Variants in INO80 observed in about 807,000 individuals in gnomAD.
The protein encoded by INO80 is INO80 complex ATPase subunit, also known as chromatin-remodeling ATPase INO80.
INO80 carries 20 observed loss-of-function variants against 203.4 expected under a neutral mutation model. The ratio of observed to expected loss-of-function variants is 0.10; its 90% confidence interval spans 0.07 to 0.14. INO80 has a LOEUF of 0.14. Ranked by LOEUF, INO80 falls within the 10% of genes least tolerant of loss-of-function variation. INO80 has a pLI of 1.00. For synonymous variants in INO80, 726 were observed against 685.2 expected, an observed-to-expected ratio of 1.06 and a Z score of -0.93; for missense variants, 1,419 against 1,914.4, an observed-to-expected ratio of 0.74 and a Z score of 4.83.
At chr15:41,077,572 T>C (rs2045424986) in intron 9 of INO80, among the ~76,000 whole-genome samples, 1 of 152,136 alleles carries the variant, frequency 6.6e-6, no homozygotes, top group Non-Finnish European at 1.5e-5. Context: ...TCTTTGTTTT[T>C]TTCTGAAGAG....
Position 41,049,403 on chromosome 15 carries a change from C to G in INO80, c.2460G>C (p.Glu820Asp). Reference sequence around the variant, plus strand: ...ACCAAGTTTCTTGCCGTTCAAATAACTCCGGGTGATTACACACCTAAAAGG... The same window carrying G: ...ACCAAGTTTCTTGCCGTTCAAATAAGTCCGGGTGATTACACACCTAAAAGG... Reference protein sequence around the residue: ...MQFRKVCNHPELFERQETWSP... With the variant: ...MQFRKVCNHPDLFERQETWSP... Residue 820 changes from glutamate (E) to aspartate (D), a missense_variant, in exon 21 of 36, where the codon GAG becomes GAC. Physicochemically the swap from Glu to Asp is conservative, Grantham distance 45. Transcript: ENST00000648947. 1 of 1,613,996 alleles carries G rather than the reference C, an allele frequency of 6.2e-7. No homozygotes were observed. The highest frequency in any genetic ancestry group is 8.5e-7 in the Non-Finnish European group (1 of 1,179,924).
intron 20 of INO80, 93 bp from the exon 21 acceptor site, chr15:41,049,513 G>T: frequency 8.5e-7 from 1 of 1,170,224 alleles, no homozygotes; most frequent in Non-Finnish European, 1.2e-6. Flanking sequence ...TTACCTTTGG[G>T]AATGGATACT....
chr15:41,057,817 A>AAAAAGAAAG (rs1555403662), intron 16 of INO80, among the ~76,000 whole-genome samples: 1 of 138,624 alleles, frequency 7.2e-6, no homozygotes, highest in African/African-American at 3.2e-5. Flanking sequence ...AAAAAAAAAA[A>AAAAAGAAAG]AAAGAAAGAA....
Position 41,065,548 on chromosome 15 carries a change from A to G in INO80, c.1782+4022T>C, listed in dbSNP as rs982397292. Among the ~76,000 whole-genome samples the G allele has an allele frequency of 2.0e-5, 3 of 152,220 alleles. No individual in the cohort carries two copies. The East Asian group carries it at 5.8e-4, about 29-fold the overall frequency. On this transcript the variant is annotated intron_variant, in intron 14 of 35. Transcript: ENST00000648947. ...GTACATACCCAAAAGAAGTGAAAACAGTAAAAGTGTTCAAACAAAAACTTG... is the reference window on the plus strand; with the variant it reads ...GTACATACCCAAAAGAAGTGAAAACGGTAAAAGTGTTCAAACAAAAACTTG...
chr15:40,986,754 G>C (rs897319020), intron 31 of INO80, among the ~76,000 whole-genome samples: 1 of 152,082 alleles, frequency 6.6e-6, no homozygotes, highest in Non-Finnish European at 1.5e-5. Context: ...GCTTCCCAAA[G>C]TGCTGGAATT....
At chr15:41,069,529 T>G (rs1408526332) in intron 14 of INO80, 41 bp downstream of exon 14, 1 of 1,224,110 alleles carries the variant, frequency 8.2e-7, no homozygotes, top group South Asian at 1.3e-5. Context: ...AAAAAGTTTA[T>G]TTTAAAGAGC....
chr15:41,041,535 G>C (rs1216961061), intron 24 of INO80, among the ~76,000 whole-genome samples: 4 of 151,800 alleles, frequency 2.6e-5, no homozygotes, highest in Non-Finnish European at 5.9e-5. Context: ...CCACCTCCTG[G>C]GTTCAAGCAA....
At chr15:41,014,217 C>G (rs1292229681) in intron 27 of INO80, among the ~76,000 whole-genome samples, 1 of 152,166 alleles carries the variant, frequency 6.6e-6, no homozygotes, top group Admixed American at 6.5e-5. Flanking sequence ...TTGGAACTTT[C>G]CTTTCATATG....
At chr15:41,098,517 A>C (rs1426137768) in intron 1 of INO80, among the ~76,000 whole-genome samples, 6 of 152,090 alleles carry the variant, frequency 3.9e-5, no homozygotes, top group African/African-American at 1.4e-4. Context: ...TCTTCAAAAG[A>C]ATTTAAAATT....
intron 24 of INO80, among the ~76,000 whole-genome samples, chr15:41,043,342 A>C (rs1009713519): frequency 1.3e-5 from 2 of 152,236 alleles, no homozygotes; most frequent in Non-Finnish European, 2.9e-5. Context: ...CAGAAGATTA[A>C]GCAACTCTTC....
At chr15:41,014,555 C>G (rs766755367) in intron 27 of INO80, among the ~76,000 whole-genome samples, 3 of 152,176 alleles carry the variant, frequency 2.0e-5, no homozygotes, top group Non-Finnish European at 4.4e-5. Flanking sequence ...AATCACCTCT[C>G]TTATGGTGAC....
intron 1 of INO80, among the ~76,000 whole-genome samples, chr15:41,112,138 G>A (rs561139226): frequency 1.7e-4 from 26 of 152,226 alleles, no homozygotes; most frequent in African/African-American, 2.4e-4. Context: ...TCAAGCTCAC[G>A]TGATCCTCCC....
chr15:41,073,369 A>C, intron 11 of INO80, 59 bp downstream of exon 11: 2 of 1,379,684 alleles, frequency 1.4e-6, no homozygotes, highest in East Asian at 2.3e-5. Context: ...CACCTAAGTA[A>C]AGGCTTGTGG....
chr15:40,981,278 TATCTCCCTCACCCTTTCTGCC>T (rs1023331024), intron 35 of INO80, among the ~76,000 whole-genome samples: 2 of 152,158 alleles, frequency 1.3e-5, no homozygotes, highest in African/African-American at 4.8e-5. Context: ...CTACCCCCTC[TATCTCCCTCACCCTTTCTGCC>T]CTCTACACAG....
At chr15:41,112,053 G>A (rs947898717) in intron 1 of INO80, among the ~76,000 whole-genome samples, 6 of 151,868 alleles carry the variant, frequency 4.0e-5, no homozygotes, top group Non-Finnish European at 7.4e-5. Context: ...ATAGGCACAC[G>A]CCACCCTAGT....
At chr15:41,096,003 T>C (rs751377940) in intron 2 of INO80, 75 bp from the exon 3 acceptor site, 2 of 1,462,828 alleles carry the variant, frequency 1.4e-6, no homozygotes, top group African/African-American at 1.4e-5. Context: ...CTGGACACTT[T>C]ACAGAAGAAA....
intron 16 of INO80, 49 bp from the exon 17 acceptor site, chr15:41,056,755 T>A: frequency 6.6e-7 from 1 of 1,515,728 alleles, no homozygotes; most frequent in Non-Finnish European, 9.2e-7. Flanking sequence ...AAATTGTTCT[T>A]TAATTATCCT....
chr15:41,052,223 A>C (rs1051377013), intron 19 of INO80, among the ~76,000 whole-genome samples: 1 of 152,214 alleles, frequency 6.6e-6, no homozygotes, highest in African/African-American at 2.4e-5. Context: ...TTTTTAAATA[A>C]AATGTTTTCC....
At chr15:41,093,134 G>C (rs548682642) in intron 4 of INO80, among the ~76,000 whole-genome samples, 287 of 152,126 alleles carry the variant, frequency 1.9e-3, no homozygotes, top group Non-Finnish European at 3.1e-3. Flanking sequence ...AGAAAATGGA[G>C]AGTGACTACC....
Sources: allele counts gnomAD v4.1 joint callset (sites outside exome capture counted in the v4.1 genomes callset), GRCh38; gene constraint gnomAD v4.1.1; transcripts MANE v1.5; gene names NCBI Gene and HGNC (gene_info 2026-07-23, HGNC 2026-07-21).